Variants in PRELID2 observed in about 807,000 individuals in gnomAD.
PRELID2 encodes the protein PRELI domain containing 2.
Under a neutral mutation model 28.4 loss-of-function variants are expected in PRELID2, and 25 were observed. That is an observed-to-expected ratio of 0.88 (90% confidence interval 0.64 to 1.23). The LOEUF is 1.23. PRELID2 is among the 50% of genes most tolerant of loss of function. PRELID2 has a pLI of 0.00. For missense variants in PRELID2, 201 were observed against 214.4 expected, an observed-to-expected ratio of 0.94 and a Z score of 0.39; for synonymous variants, 76 against 71.6, an observed-to-expected ratio of 1.06 and a Z score of -0.31.
chr5:145,427,697 A>G, the PRELID2 span, among the ~76,000 whole-genome samples: 2 of 143,428 alleles, frequency 1.4e-5, no homozygotes, highest in Non-Finnish European at 3.2e-5. Flanking sequence ...CAATCGCACC[A>G]TTAAAGGTAT....
the PRELID2 span, among the ~76,000 whole-genome samples, chr5:145,391,496 G>C: frequency 6.6e-6 from 1 of 152,170 alleles, no homozygotes; most frequent in African/African-American, 2.4e-5. Flanking sequence ...CAGAAGGATC[G>C]CATGGCCTGG....
At chr5:145,648,456 T>C (rs1048355728) in intron 1 of PRELID2, among the ~76,000 whole-genome samples, 2 of 151,660 alleles carry the variant, frequency 1.3e-5, no homozygotes. Context: ...TTCAAGTTAA[T>C]AGTTATCTTT....
At chr5:145,480,895 C>T (rs1055863114) in intron 1 of PRELID2, among the ~76,000 whole-genome samples, 3 of 152,086 alleles carry the variant, frequency 2.0e-5, no homozygotes, top group African/African-American at 2.4e-5. Context: ...TCTTTCAAAG[C>T]GAGGTTACCG....
At chr5:145,562,911 G>A (rs1329492384) in intron 1 of PRELID2, among the ~76,000 whole-genome samples, 1 of 152,196 alleles carries the variant, frequency 6.6e-6, no homozygotes, top group African/African-American at 2.4e-5. Context: ...CAACAAGGAA[G>A]AGGTTTCAAA....
chr5:145,811,678 G>T (rs749902023), intron 4 of PRELID2, among the ~76,000 whole-genome samples: 1 of 152,178 alleles, frequency 6.6e-6, no homozygotes, highest in Non-Finnish European at 1.5e-5. Flanking sequence ...AGTCAGGTTG[G>T]CTGTGTAAAT....
chr5:145,284,647 C>T, the PRELID2 span, among the ~76,000 whole-genome samples: 1 of 152,088 alleles, frequency 6.6e-6, no homozygotes, highest in Non-Finnish European at 1.5e-5. Context: ...CCCAAACTAA[C>T]ACAATGAAGG....
chr5:145,474,703 G>C (rs867297853), intron 1 of PRELID2, among the ~76,000 whole-genome samples: 3 of 152,128 alleles, frequency 2.0e-5, no homozygotes, highest in Admixed American at 2.0e-4. Flanking sequence ...ATAGTTATTC[G>C]GGGGGTCAGT....
At chr5:145,452,333 C>T in the PRELID2 span, among the ~76,000 whole-genome samples, 2 of 152,140 alleles carry the variant, frequency 1.3e-5, no homozygotes, top group East Asian at 3.9e-4. Context: ...TCTCCTGTCC[C>T]CCAAGACTCA....
chr5:145,743,350 G>A (rs1756890326), intron 1 of PRELID2, among the ~76,000 whole-genome samples: 2 of 149,328 alleles, frequency 1.3e-5, no homozygotes, highest in Admixed American at 6.7e-5. Context: ...GGCAGAGGCT[G>A]CAGTGAGCTA....
chr5:145,677,674 CT>C (rs1208138785), intron 1 of PRELID2, among the ~76,000 whole-genome samples: 1 of 152,046 alleles, frequency 6.6e-6, no homozygotes, highest in Non-Finnish European at 1.5e-5. Flanking sequence ...TATAATTGAA[CT>C]TTTTCATAAT....
the PRELID2 span, among the ~76,000 whole-genome samples, chr5:145,407,383 C>T: frequency 6.6e-6 from 1 of 152,096 alleles, no homozygotes; most frequent in Non-Finnish European, 1.5e-5. Flanking sequence ...CAGAGGCAGC[C>T]ATAATCCCCC....
intron 1 of PRELID2, among the ~76,000 whole-genome samples, chr5:145,741,974 AT>A (rs1192552307): frequency 5.8e-4 from 21 of 36,064 alleles, no homozygotes; most frequent in African/African-American, 1.5e-3. Flanking sequence ...AAATAAATTT[AT>A]TTAATTATAA....
At chr5:145,563,511 C>G (rs1417599028) in intron 1 of PRELID2, among the ~76,000 whole-genome samples, 1 of 152,158 alleles carries the variant, frequency 6.6e-6, no homozygotes, top group Non-Finnish European at 1.5e-5. Flanking sequence ...CTTAAACTTT[C>G]CAGATGAGGA....
the PRELID2 span, among the ~76,000 whole-genome samples, chr5:145,319,688 T>C: frequency 1.5e-5 from 2 of 130,328 alleles, no homozygotes; most frequent in Non-Finnish European, 3.1e-5. Flanking sequence ...CAAAAATAAA[T>C]AAATAAATAA....
At chr5:145,603,989 T>A (rs1456578862) in intron 1 of PRELID2, among the ~76,000 whole-genome samples, 2 of 151,878 alleles carry the variant, frequency 1.3e-5, no homozygotes, top group East Asian at 1.9e-4. Context: ...TGAAAGGAAA[T>A]TAAAAATACT....
intron 1 of PRELID2, among the ~76,000 whole-genome samples, chr5:145,563,253 C>T (rs1752939059): frequency 6.6e-6 from 1 of 152,146 alleles, no homozygotes; most frequent in Non-Finnish European, 1.5e-5. Flanking sequence ...ATGATGCTAG[C>T]CAGGAACTGT....
At chr5:145,775,880 T>A (rs574365053) in intron 5 of PRELID2, among the ~76,000 whole-genome samples, 156 of 152,306 alleles carry the variant, frequency 1.0e-3, no homozygotes, top group African/African-American at 3.5e-3. Context: ...ACGTTTGTGT[T>A]TTAATTCCAC....
chr5:145,362,872 C>T, the PRELID2 span, among the ~76,000 whole-genome samples: 2 of 151,988 alleles, frequency 1.3e-5, no homozygotes, highest in African/African-American at 4.8e-5. Context: ...GGCTGGAAAT[C>T]AAAACCCATA....
chr5:145,783,623 G>A (rs1751781832), intron 5 of PRELID2, among the ~76,000 whole-genome samples: 1 of 152,072 alleles, frequency 6.6e-6, no homozygotes, highest in Non-Finnish European at 1.5e-5. Flanking sequence ...TATCAACAGA[G>A]GTAAATTTGA....
Sources: allele counts gnomAD v4.1 joint callset (sites outside exome capture counted in the v4.1 genomes callset), GRCh38; gene constraint gnomAD v4.1.1; transcripts MANE v1.5; gene names NCBI Gene and HGNC (gene_info 2026-07-23, HGNC 2026-07-21).